Variants in PLIN4 observed in about 807,000 individuals in gnomAD.
PLIN4 encodes perilipin-4.
In PLIN4, 57 loss-of-function variants were observed where a neutral mutation model predicts 52.4. The observed-to-expected ratio is 1.09, with a 90% CI of 0.88 to 1.36. PLIN4 has a LOEUF of 1.36. PLIN4 is among the 40% of genes most tolerant of loss of function. PLIN4 has a pLI of 0.00. For synonymous variants in PLIN4, 826 were observed against 785.4 expected (o/e 1.05, Z -0.86); for missense variants, 1,757 against 1,770.3 (o/e 0.99, Z 0.13).
chr19:4,508,819 G>A lies in PLIN4; in HGVS notation c.3651C>T (p.Gly1217=), dbSNP rs1469853127. ...FEHAVSHLQH[G]QFQARDTLAQ... ...CCAGAGTGTCCCTGGCTTGGAACTG[G>A]CCGTGCTGCAGGTGGCTCACCGCGT... is the stretch of plus-strand genomic sequence containing the variant. Residue 1217 remains glycine (G), a synonymous_variant, in exon 6 of 8, where the codon GGC becomes GGT. Coordinates refer to ENST00000301286, the MANE Select transcript of PLIN4 (RefSeq NM_001367868.2). 2 of 1,602,262 alleles carry A rather than the reference G, an allele frequency of 1.2e-6. No homozygotes were observed. Among genetic ancestry groups the A allele is most frequent in the Non-Finnish European group, 1.7e-6 (2 of 1,174,856 alleles).
intron 6 of PLIN4, among the ~76,000 whole-genome samples, chr19:4,508,053 C>T (rs1162911147): frequency 6.6e-6 from 1 of 152,176 alleles, no homozygotes; most frequent in African/African-American, 2.4e-5. Context: ...CCCATCCTGG[C>T]TTCACTTTAC....
At position 4,504,525 on chromosome 19, in the gene PLIN4, G is replaced by T. The variant is rs1268550487; in HGVS notation, c.4050C>A (p.Gly1350=). The T allele has an allele frequency of 1.2e-6, 2 of 1,604,582 alleles. No homozygotes were observed. The highest frequency in any genetic ancestry group is 1.1e-5 in the South Asian group (1 of 90,428). ...AGCTGAGCGGGGGATTGTGCTGTAG[G>T]CCCTCCAGCAGCTGCTCTAACCCCT... ...AWQGLEQLLE[G]LQHNPPLSWL... Residue 1350 remains glycine (G), a synonymous_variant, in exon 8 of 8, where the codon GGC becomes GGA. Transcript: ENST00000301286.
chr19:4,509,315 A>AAAAAAAAAAAAAAAAAAAAAAAAAAAAAC (rs1976208717), intron 5 of PLIN4, among the ~76,000 whole-genome samples: 1 of 137,384 alleles, frequency 7.3e-6, no homozygotes, highest in Non-Finnish European at 1.6e-5. Context: ...CGTCTCAAAA[A>AAAAAAAAAAAAAAAAAAAAAAAAAAAAAC]AAAAAAAAAA....
intron 7 of PLIN4, 34 bp downstream of exon 7, chr19:4,504,827 G>C: frequency 6.2e-7 from 1 of 1,602,972 alleles, no homozygotes; most frequent in Non-Finnish European, 8.5e-7. Flanking sequence ...CCCATGGGCG[G>C]GGTGGGGGGA....
rs1975942988 is a variant in PLIN4 at position 4,502,417 on chromosome 19, A to C, written c.*2042T>G. 5.9e-6 allele frequency: 2 copies of C among 339,354 alleles called. No individual in the cohort carries two copies. Among genetic ancestry groups the C allele is most frequent in the Non-Finnish European group, 1.1e-5 (2 of 179,944 alleles). 21.0% of individuals were successfully genotyped at this position (339,354 alleles called of 1,614,324 possible). On this transcript the variant is annotated 3_prime_UTR_variant, in exon 8 of 8. Transcript: ENST00000301286. ...GGCGGGAGCAAGCTCTTCCCAGGAG[A>C]CAAGAGGGACAAACCAGGGCATCTA...
chr19:4,508,822 G>A lies in PLIN4; in HGVS notation c.3648C>T (p.His1216=), dbSNP rs569439075. 2.6e-5 allele frequency: 41 copies of A among 1,603,440 alleles called. No homozygotes were observed. The highest frequency in any genetic ancestry group is 2.5e-4 in the East Asian group (11 of 44,386). ...GAGTGTCCCTGGCTTGGAACTGGCC[G>A]TGCTGCAGGTGGCTCACCGCGTGTT... ...AFEHAVSHLQ[H]GQFQARDTLA... Residue 1216 remains histidine (H), a synonymous_variant, in exon 6 of 8, where the codon CAC becomes CAT. Coordinates refer to ENST00000301286, the MANE Select transcript of PLIN4 (RefSeq NM_001367868.2).
intron 6 of PLIN4, among the ~76,000 whole-genome samples, chr19:4,505,665 C>T (rs779763985): frequency 3.2e-4 from 48 of 152,116 alleles, no homozygotes; most frequent in Non-Finnish European, 4.9e-4. Context: ...CCACAGGGCC[C>T]CATCTTCCTC....
intron 4 of PLIN4, among the ~76,000 whole-genome samples, chr19:4,516,177 G>A (rs1240532390): frequency 6.6e-6 from 1 of 152,226 alleles, no homozygotes; most frequent in African/African-American, 2.4e-5. Context: ...CTACTCAGGA[G>A]GTTGAGGCAG....
intron 6 of PLIN4, 116 bp from the exon 7 acceptor site, chr19:4,505,063 C>T (rs1976052272): frequency 1.9e-5 from 18 of 950,750 alleles, no homozygotes; most frequent in Middle Eastern, 2.4e-4. Flanking sequence ...AGAAAGGCCA[C>T]GAGTTCCAAG....
In PLIN4 at chr19:4,517,769, G is replaced by A; in HGVS notation, c.52-71C>T. The A allele has an allele frequency of 5.3e-6, 8 of 1,515,038 alleles. No individual in the cohort carries two copies. The South Asian group carries it at 1.0e-4, about 19-fold the overall frequency. The allele number at this position is 1,515,038 out of a possible 1,614,324, so 93.8% of individuals were successfully genotyped here. A position where few individuals can be genotyped will look rare whatever the true frequency, so the allele number is the denominator to read the frequency against. The stretch of plus-strand genomic sequence containing the variant: ...GCAGGAACGGGTCAGAGGAAGCATC[G>A]ATTGATCAGCCCAATGCCGCCCCGG... On this transcript the variant is annotated intron_variant, in intron 2 of 7. Coordinates refer to ENST00000301286, the MANE Select transcript of PLIN4 (RefSeq NM_001367868.2).
rs577447406 is a variant in PLIN4, at chr19:4,512,173, C to A, written c.1787G>T (p.Gly596Val). 3.2e-5 allele frequency: 51 copies of A among 1,611,890 alleles called. No homozygotes were observed. The East Asian group carries it at 1.1e-3, about 34-fold the overall frequency. Residue 596 changes from glycine to valine, a missense_variant, in exon 5 of 8, where the codon GGC (glycine) becomes GTC (valine). Transcript: ENST00000301286. ...CCCAGTAGTCACTGTGTCCTTGGTGCCGGTCAGCACGGTCTTGGCTGTGTC... is the reference window on the plus strand; with the variant it reads ...CCCAGTAGTCACTGTGTCCTTGGTGACGGTCAGCACGGTCTTGGCTGTGTC... ...GVDTAKTVLT[G>V]TKDTVTTGLV...
chr19:4,508,817 T>C lies in PLIN4; in HGVS notation c.3653A>G (p.Gln1218Arg). 6.2e-7 allele frequency: 1 copy of C among 1,601,842 alleles called. No homozygotes were observed. The highest frequency in any genetic ancestry group is 1.1e-5 in the South Asian group (1 of 88,994). ...GGCCAGAGTGTCCCTGGCTTGGAAC[T>C]GGCCGTGCTGCAGGTGGCTCACCGC... The part of the protein sequence containing the change: ...EHAVSHLQHG[Q>R]FQARDTLAQL... Residue 1218 changes from glutamine to arginine, a missense_variant, in exon 6 of 8, where the codon CAG (glutamine) becomes CGG (arginine). Around this residue, in one of 7 missense-constraint regions of PLIN4, gnomAD observed 712 missense variants for 637.1 expected, o/e 1.12. Transcript: ENST00000301286.
rs1451511758 is a variant in PLIN4 at position 4,504,332 on chromosome 19, G to A, written c.*127C>T. The A allele has an allele frequency of 1.1e-5, 11 of 994,386 alleles. No homozygotes were observed. The highest frequency in any genetic ancestry group is 3.3e-5 in the African/African-American group (2 of 61,162). 61.6% of individuals were successfully genotyped at this position (994,386 alleles called of 1,614,324 possible). A position where few individuals can be genotyped will look rare whatever the true frequency, so the allele number is the denominator to read the frequency against. The stretch of plus-strand genomic sequence containing the variant: ...TCCGCAGCCCCTCGGCGCTCAGCCA[G>A]CTGCAGCCCCAAAGGTCTAGGGCTT... On this transcript the variant is annotated 3_prime_UTR_variant, in exon 8 of 8. Coordinates refer to ENST00000301286, the MANE Select transcript of PLIN4 (RefSeq NM_001367868.2).
Position 4,502,564 on chromosome 19 carries a change from G to A in PLIN4, c.*1895C>T, listed in dbSNP as rs950349161. 8.6e-6 allele frequency: 2 copies of A among 233,334 alleles called. No individual in the cohort carries two copies. The highest frequency in any genetic ancestry group is 1.7e-5 in the Non-Finnish European group (2 of 119,352). 14.5% of individuals were successfully genotyped at this position (233,334 alleles called of 1,614,324 possible). ...CGATGTGGGGAGGACGAGGGTCCGCGAGGCTAGGCTGGGAGGGTGGAGACC... is the reference window on the plus strand; with the variant it reads ...CGATGTGGGGAGGACGAGGGTCCGCAAGGCTAGGCTGGGAGGGTGGAGACC... On this transcript the variant is annotated 3_prime_UTR_variant, in exon 8 of 8. Coordinates refer to ENST00000301286, the MANE Select transcript of PLIN4 (RefSeq NM_001367868.2).
chr19:4,509,227 C>T (rs1976202770), intron 5 of PLIN4, among the ~76,000 whole-genome samples: 1 of 138,830 alleles, frequency 7.2e-6, no homozygotes, highest in Admixed American at 7.5e-5. Context: ...AGGAGAATGG[C>T]GTGAACCCGG....
intron 4 of PLIN4, 104 bp from the exon 5 acceptor site, chr19:4,513,805 G>A (rs1396404740): frequency 1.4e-6 from 2 of 1,387,660 alleles, no homozygotes; most frequent in Non-Finnish European, 9.5e-7. Context: ...GCAAGGAACT[G>A]CAGGCACCCA....
At chr19:4,516,592 G>A in intron 4 of PLIN4, 25 bp downstream of exon 4, 1 of 1,593,474 alleles carries the variant, frequency 6.3e-7, no homozygotes, top group South Asian at 1.1e-5. Flanking sequence ...TGCCACATCA[G>A]ACCCTGCCCT....
Position 4,510,651 on chromosome 19 carries a change from C to G in PLIN4, c.3309G>C (p.Pro1103=). The change falls in exon 5 of 8, where the codon CCG becomes CCC. Residue 1103 remains proline, a synonymous_variant. Transcript: ENST00000301286. ...TGGCTGCGGCTTCCCAGGCAGGCTC[C>G]GGGCCTACACTGAGCACATCCGGGG... is the stretch of plus-strand genomic sequence containing the variant. ...STPPDVLSVG[P]EPAWEAAATT... 6.6e-7 allele frequency: 1 copy of G among 1,505,228 alleles called. No individual in the cohort carries two copies. The highest frequency in any genetic ancestry group is 8.9e-7 in the Non-Finnish European group (1 of 1,128,568). 93.2% of individuals were successfully genotyped at this position (1,505,228 alleles called of 1,614,324 possible).
Position 4,516,599 on chromosome 19 carries a change from C to A in PLIN4, c.258+18G>T. 6.3e-7 allele frequency: 1 copy of A among 1,597,578 alleles called. No individual in the cohort carries two copies. Among genetic ancestry groups the A allele is most frequent in the Non-Finnish European group, 8.5e-7 (1 of 1,172,200 alleles). On this transcript the variant is annotated intron_variant, in intron 4 of 7. Coordinates refer to ENST00000301286, the MANE Select transcript of PLIN4 (RefSeq NM_001367868.2). ...AGGGCTCCTGCCACATCAGACCCTG[C>A]CCTGCACATCCTCTCACCTTTTCCG...
Sources: allele counts gnomAD v4.1 joint callset (sites outside exome capture counted in the v4.1 genomes callset), GRCh38; gene constraint gnomAD v4.1.1; regional missense constraint gnomAD v4.1.1; transcripts MANE v1.5; gene names NCBI Gene and HGNC (gene_info 2026-07-23, HGNC 2026-07-21).